The following EPHA3 variants were observed in gnomAD, a reference collection of about 807,000 sequenced individuals.
The protein encoded by EPHA3 is ephrin type-A receptor 3.
A neutral mutation model predicts 107.1 loss-of-function variants in EPHA3; 42 were observed. The ratio of observed to expected loss-of-function variants is 0.39; its 90% CI spans 0.31 to 0.51. The LOEUF (loss-of-function observed/expected upper bound fraction) is 0.51, where lower values mean the gene tolerates loss of function less well. Among genes scored for constraint, EPHA3 ranks in the 20% least tolerant of loss-of-function variants. EPHA3 has a pLI of 0.78. For synonymous variants in EPHA3, 461 were observed against 424.8 expected (o/e 1.09, Z -1.05); for missense variants, 1,183 against 1,211.2 (o/e 0.98, Z 0.35).
chr3:89,331,006 A>C (rs1707272921), intron 3 of EPHA3, among the ~76,000 whole-genome samples: 1 of 152,118 alleles, frequency 6.6e-6, no homozygotes, highest in Non-Finnish European at 1.5e-5. Context: ...AGTAAGAACA[A>C]ATAAAAACTG....
chr3:89,209,868 G>A lies in EPHA3; in HGVS notation c.162G>A (p.Glu54=). The A allele has an allele frequency of 6.3e-7, 1 of 1,598,790 alleles. No homozygotes were observed. Among genetic ancestry groups the A allele is most frequent in the Non-Finnish European group, 8.5e-7 (1 of 1,171,878 alleles). Residue 54 remains glutamate, a synonymous_variant, in exon 3 of 17, where the codon GAG becomes GAA. Coordinates refer to ENST00000336596, the MANE Select transcript of EPHA3 (RefSeq NM_005233.6). ...WISYPSHGWE[E]ISGVDEHYTP... is the part of the protein sequence containing the mutation. The stretch of plus-strand genomic sequence containing the variant: ...TCTCTTTGATTCTTCAGTGGGAAGA[G>A]ATCAGTGGTGTGGATGAACATTACA...
chr3:89,332,170 C>A (rs536047444), intron 3 of EPHA3, among the ~76,000 whole-genome samples: 1 of 152,232 alleles, frequency 6.6e-6, no homozygotes, highest in South Asian at 2.1e-4. Flanking sequence ...ACGGAAAACC[C>A]AACTAGTGCT....
At chr3:89,192,873 T>G (rs922181341) in intron 2 of EPHA3, among the ~76,000 whole-genome samples, 1 of 152,098 alleles carries the variant, frequency 6.6e-6, no homozygotes, top group African/African-American at 2.4e-5. Context: ...ATATACTGGA[T>G]TTATTTAGCC....
chr3:89,396,802 G>A (rs1198891886), intron 6 of EPHA3, among the ~76,000 whole-genome samples: 1 of 151,980 alleles, frequency 6.6e-6, no homozygotes. Context: ...CATTTATATA[G>A]CAGTTTATAT....
intron 5 of EPHA3, among the ~76,000 whole-genome samples, chr3:89,347,150 T>A (rs1707683057): frequency 7.1e-6 from 1 of 140,906 alleles, no homozygotes; most frequent in Non-Finnish European, 1.6e-5. Flanking sequence ...TCCAATTCTG[T>A]GAAGAAAGTC....
At chr3:89,223,871 A>G (rs1260227502) in intron 3 of EPHA3, among the ~76,000 whole-genome samples, 2 of 152,108 alleles carry the variant, frequency 1.3e-5, no homozygotes, top group Non-Finnish European at 2.9e-5. Flanking sequence ...ATAGTAACGA[A>G]TTTTTTAAGT....
chr3:89,258,870 A>T (rs1019833021), intron 3 of EPHA3, among the ~76,000 whole-genome samples: 1 of 152,078 alleles, frequency 6.6e-6, no homozygotes, highest in East Asian at 1.9e-4. Context: ...ACAGTTTTGC[A>T]CCCTGAGTGT....
At chr3:89,372,939 A>C (rs1426246841) in intron 5 of EPHA3, among the ~76,000 whole-genome samples, 3 of 151,864 alleles carry the variant, frequency 2.0e-5, no homozygotes, top group African/African-American at 7.2e-5. Flanking sequence ...GCTGCATGAA[A>C]AAAGTAGTTT....
intron 2 of EPHA3, among the ~76,000 whole-genome samples, chr3:89,150,366 T>C (rs1470064641): frequency 2.0e-5 from 3 of 152,024 alleles, no homozygotes; most frequent in Non-Finnish European, 2.9e-5. Flanking sequence ...TCCCAAGATA[T>C]ATGTAACTTT....
Position 89,171,326 on chromosome 3 carries a change from A to G in EPHA3, c.154-38534A>G, listed in dbSNP as rs116925392. 1.4e-3 allele frequency among the ~76,000 whole-genome samples: 219 copies of G among 152,282 alleles called. 2 individuals carry two copies. Among genetic ancestry groups the G allele is most frequent in the East Asian group, 6.4e-3 (33 of 5,180 alleles). On this transcript the variant is annotated intron_variant, in intron 2 of 16. Transcript: ENST00000336596. ...TGGCAATGGCTACATACTGAACTCT[A>G]TGAGAACAATAATGTCTCAAATTGA...
chr3:89,285,074 G>A (rs1706047147), intron 3 of EPHA3, among the ~76,000 whole-genome samples: 1 of 152,106 alleles, frequency 6.6e-6, no homozygotes, highest in African/African-American at 2.4e-5. Context: ...AGTGAGCCGA[G>A]ATCATGCCAC....
chr3:89,123,907 T>C (rs1704028206), intron 1 of EPHA3, among the ~76,000 whole-genome samples: 1 of 152,192 alleles, frequency 6.6e-6, no homozygotes, highest in African/African-American at 2.4e-5. Context: ...AATCACATCA[T>C]TAGAATATGA....
At chr3:89,474,672 T>G (rs1039385463) in intron 16 of EPHA3, among the ~76,000 whole-genome samples, 15 of 152,208 alleles carry the variant, frequency 9.9e-5, no homozygotes, top group African/African-American at 3.6e-4. Flanking sequence ...TTGATAAGAT[T>G]AACTGCTAGT....
chr3:89,219,438 C>T (rs1367972092), intron 3 of EPHA3, among the ~76,000 whole-genome samples: 1 of 152,028 alleles, frequency 6.6e-6, no homozygotes, highest in African/African-American at 2.4e-5. Flanking sequence ...GCTGGGATTA[C>T]AGGCATGAGC....
intron 11 of EPHA3, among the ~76,000 whole-genome samples, chr3:89,422,502 A>G (rs1709371011): frequency 6.6e-6 from 1 of 151,416 alleles, no homozygotes; most frequent in South Asian, 2.1e-4. Context: ...GAGAACTCCT[A>G]CAAATCAGAC....
chr3:89,127,379 C>A, intron 2 of EPHA3, 106 bp downstream of exon 2: 1 of 818,282 alleles, frequency 1.2e-6, no homozygotes, highest in Non-Finnish European at 2.0e-6. Context: ...CTTCTGGTGA[C>A]AAATTATACT....
intron 13 of EPHA3, among the ~76,000 whole-genome samples, chr3:89,448,397 C>G (rs182854169): frequency 1.5e-4 from 23 of 152,188 alleles, no homozygotes; most frequent in African/African-American, 5.3e-4. Context: ...AACAAAAGAG[C>G]CAGTATGTTA....
At chr3:89,368,460 G>A (rs1387007608) in intron 5 of EPHA3, among the ~76,000 whole-genome samples, 2 of 150,426 alleles carry the variant, frequency 1.3e-5, no homozygotes, top group Non-Finnish European at 3.0e-5. Flanking sequence ...CTGGGAGCTA[G>A]AGAAATAGAA....
Position 89,176,458 on chromosome 3 carries a change from C to G in EPHA3, c.154-33402C>G, listed in dbSNP as rs188518846. 4.6e-4 allele frequency among the ~76,000 whole-genome samples: 66 copies of G among 144,042 alleles called. 1 individual carries two copies. The East Asian group carries it at 0.012, about 26-fold the overall frequency. The allele number at this position is 144,042 out of a possible 152,430, so 94.5% of individuals were successfully genotyped here. A position where few individuals can be genotyped will look rare whatever the true frequency, so the allele number is the denominator to read the frequency against. ...GTTGCGGTGAGCCAAGGTTGCGCCA[C>G]TCTACTCCACCCTGGGTGACAGAGC... On this transcript the variant is annotated intron_variant, in intron 2 of 16. Coordinates refer to ENST00000336596, the MANE Select transcript of EPHA3 (RefSeq NM_005233.6).
Sources: allele counts gnomAD v4.1 joint callset (sites outside exome capture counted in the v4.1 genomes callset), GRCh38; gene constraint gnomAD v4.1.1; transcripts MANE v1.5; gene names NCBI Gene and HGNC (gene_info 2026-07-23, HGNC 2026-07-21).